CDH13: variants seen among roughly 807,000 people sequenced by gnomAD.
The protein encoded by CDH13 is cadherin 13.
In CDH13, 24 loss-of-function variants were observed where a neutral mutation model predicts 63.8. That is an observed-to-expected ratio of 0.38 (90% CI 0.27 to 0.53). CDH13 has a LOEUF of 0.53. Among genes scored for constraint, CDH13 ranks in the 20% least tolerant of loss-of-function variants. The probability of loss-of-function intolerance (pLI) is 0.85; values close to 1 mark genes in which losing one functional copy is unlikely to be tolerated. For missense variants in CDH13, 1,049 were observed against 903.1 expected, an observed-to-expected ratio of 1.16 and a Z score of -2.07; for synonymous variants, 503 against 355.3, an observed-to-expected ratio of 1.42 and a Z score of -4.67.
At chr16:83,466,624 G>A (rs1031949591) in intron 6 of CDH13, among the ~76,000 whole-genome samples, 4 of 152,186 alleles carry the variant, frequency 2.6e-5, no homozygotes, top group Non-Finnish European at 5.9e-5. Context: ...TACAGCTCAT[G>A]TCCCATGGAA....
chr16:83,026,872 G>A (rs915679881), intron 2 of CDH13, among the ~76,000 whole-genome samples: 2 of 152,116 alleles, frequency 1.3e-5, no homozygotes, highest in African/African-American at 4.8e-5. Flanking sequence ...GACAGATAAG[G>A]CACCACCTCT....
intron 1 of CDH13, among the ~76,000 whole-genome samples, chr16:82,775,495 A>G (rs1648316093): frequency 6.6e-6 from 1 of 152,198 alleles, no homozygotes; most frequent in South Asian, 2.1e-4. Flanking sequence ...ACATTTACTG[A>G]CACCTTGGAA....
At chr16:83,046,916 G>C (rs567950168) in intron 3 of CDH13, among the ~76,000 whole-genome samples, 2 of 152,178 alleles carry the variant, frequency 1.3e-5, no homozygotes, top group Admixed American at 1.3e-4. Flanking sequence ...AGATCCAAGA[G>C]AGGGCTTTCC....
intron 2 of CDH13, chr16:82,954,525 C>T (rs1905766875): frequency 6.6e-6 from 1 of 152,094 alleles, no homozygotes; most frequent in Admixed American, 6.5e-5. Flanking sequence ...GTGTGCTCTT[C>T]CAAAGAATTT....
intron 10 of CDH13, among the ~76,000 whole-genome samples, chr16:83,727,819 C>G (rs2150947010): frequency 6.6e-6 from 1 of 152,184 alleles, no homozygotes; most frequent in Non-Finnish European, 1.5e-5. Context: ...GCTCACCAGT[C>G]ACAGCAGGGC....
chr16:83,114,201 T>C (rs1395682285), intron 3 of CDH13, among the ~76,000 whole-genome samples: 1 of 152,236 alleles, frequency 6.6e-6, no homozygotes, highest in African/African-American at 2.4e-5. Flanking sequence ...GATTAGTTAT[T>C]GGACCTTCGA....
At chr16:83,158,296 C>A (rs547299275) in intron 4 of CDH13, among the ~76,000 whole-genome samples, 4 of 152,214 alleles carry the variant, frequency 2.6e-5, no homozygotes, top group Non-Finnish European at 5.9e-5. Flanking sequence ...TCCCTCCCCA[C>A]CCCTGCTGCC....
At chr16:82,840,445 G>T (rs1032344645) in intron 1 of CDH13, among the ~76,000 whole-genome samples, 2 of 151,714 alleles carry the variant, frequency 1.3e-5, no homozygotes, top group South Asian at 2.1e-4. Context: ...CACTTTGGGA[G>T]GCCCAGGTGG....
intron 4 of CDH13, among the ~76,000 whole-genome samples, chr16:83,206,657 C>G (rs2039191807): frequency 6.6e-6 from 1 of 152,236 alleles, no homozygotes; most frequent in Non-Finnish European, 1.5e-5. Context: ...GCCACTGCTC[C>G]TAGGACCACA....
chr16:83,722,200 TAC>T (rs142625984), intron 10 of CDH13, among the ~76,000 whole-genome samples: 1,526 of 152,336 alleles, frequency 0.01, 72 homozygotes, highest in Admixed American at 0.076. Flanking sequence ...CGATGCTGGC[TAC>T]ACAATCTCTC....
At chr16:83,675,336 A>T (rs150883807) in intron 9 of CDH13, among the ~76,000 whole-genome samples, 7 of 152,274 alleles carry the variant, frequency 4.6e-5, no homozygotes, top group Middle Eastern at 3.4e-3. Context: ...AGGCAAATGG[A>T]AATAAACATT....
chr16:82,801,000 C>T (rs2036829010), intron 1 of CDH13, among the ~76,000 whole-genome samples: 1 of 152,182 alleles, frequency 6.6e-6, no homozygotes, highest in South Asian at 2.1e-4. Flanking sequence ...TCAAAAGCAG[C>T]ATTAAGTTCT....
intron 5 of CDH13, among the ~76,000 whole-genome samples, chr16:83,244,240 C>T (rs1437999970): frequency 1.3e-5 from 2 of 152,020 alleles, no homozygotes; most frequent in African/African-American, 4.8e-5. Context: ...AGACTGCACA[C>T]TTTAAATGGG....
chr16:82,751,520 G>A (rs549989630), intron 1 of CDH13, among the ~76,000 whole-genome samples: 121 of 152,212 alleles, frequency 7.9e-4, no homozygotes, highest in African/African-American at 2.7e-3. Context: ...ATGGACCAGA[G>A]CTCTGGGGCA....
chr16:83,093,424 T>C (rs2034029501), intron 3 of CDH13, among the ~76,000 whole-genome samples: 1 of 145,380 alleles, frequency 6.9e-6, no homozygotes, highest in Non-Finnish European at 1.5e-5. Context: ...GTTCAAGCGA[T>C]TCTCCTGCCT....
chr16:83,687,428 T>C (rs1302677285), intron 10 of CDH13, among the ~76,000 whole-genome samples: 1 of 152,010 alleles, frequency 6.6e-6, no homozygotes, highest in Non-Finnish European at 1.5e-5. Flanking sequence ...ACTTCACATG[T>C]CCAGAGTAGC....
intron 1 of CDH13, among the ~76,000 whole-genome samples, chr16:82,663,243 A>G (rs138897574): frequency 2.8e-3 from 430 of 152,164 alleles, no homozygotes; most frequent in Non-Finnish European, 5.0e-3. Context: ...CTGGAGTGCA[A>G]TGGCGCGATC....
At chr16:82,695,097 C>G (rs906924066) in intron 1 of CDH13, among the ~76,000 whole-genome samples, 1 of 152,082 alleles carries the variant, frequency 6.6e-6, no homozygotes, top group Non-Finnish European at 1.5e-5. Context: ...AGGGCATGTT[C>G]TTGGTACCAG....
At chr16:83,284,811 G>A (rs2089268092) in intron 5 of CDH13, among the ~76,000 whole-genome samples, 1 of 152,086 alleles carries the variant, frequency 6.6e-6, no homozygotes, top group South Asian at 2.1e-4. Flanking sequence ...ACAATATAAT[G>A]TGTATGTTTC....
Sources: allele counts gnomAD v4.1 joint callset (sites outside exome capture counted in the v4.1 genomes callset), GRCh38; gene constraint gnomAD v4.1.1; transcripts MANE v1.5; gene names NCBI Gene and HGNC (gene_info 2026-07-23, HGNC 2026-07-21).